CCDC138: variants seen among roughly 807,000 people sequenced by gnomAD.
CCDC138 encodes the protein coiled-coil domain-containing protein 138.
Under a neutral mutation model 82.3 loss-of-function variants are expected in CCDC138, and 66 were observed. The observed-to-expected ratio is 0.80, with a 90% CI of 0.66 to 0.98. The LOEUF is 0.98. Ranked by LOEUF, CCDC138 falls within the 50% of genes least tolerant of loss-of-function variation. The pLI, the probability that CCDC138 is intolerant of heterozygous loss-of-function variation, is 0.00. For synonymous variants in CCDC138, 297 were observed against 265.4 expected, an observed-to-expected ratio of 1.12 and a Z score of -1.16; for missense variants, 816 against 758.9, an observed-to-expected ratio of 1.08 and a Z score of -0.88.
At chr2:108,822,792 G>C (rs1685932806) in intron 10 of CCDC138, among the ~76,000 whole-genome samples, 1 of 152,168 alleles carries the variant, frequency 6.6e-6, no homozygotes, top group South Asian at 2.1e-4. Context: ...AGTGTTAAGA[G>C]GGAAGTTTGT....
intron 6 of CCDC138, among the ~76,000 whole-genome samples, chr2:108,801,011 T>C (rs1484424677): frequency 5.4e-5 from 3 of 55,186 alleles, no homozygotes; most frequent in Admixed American, 2.3e-4. Context: ...CCACATTTTC[T>C]TAATCCAGTC....
chr2:108,807,820 G>T (rs1197968905), intron 7 of CCDC138, among the ~76,000 whole-genome samples: 1 of 152,176 alleles, frequency 6.6e-6, no homozygotes, highest in Admixed American at 6.5e-5. Context: ...GTTTCACCAT[G>T]TTGGCCAGGG....
At position 108,791,789 on chromosome 2, in the gene CCDC138, A is replaced by T; in HGVS notation, c.381A>T (p.Lys127Asn). ...CGAAAATAACCAAGCAGTCTTTTAA[A>T]GAAATAGAAAAAGGTAAAATAAATA... is the stretch of plus-strand genomic sequence containing the variant. The part of the protein sequence containing the change: ...STSKITKQSF[K>N]EIEKVALPTN... Residue 127 changes from lysine (K) to asparagine (N), a missense_variant, in exon 4 of 15, where the codon AAA becomes AAT. Coordinates refer to ENST00000295124, the MANE Select transcript of CCDC138 (RefSeq NM_144978.3). 6.3e-7 allele frequency: 1 copy of T among 1,585,394 alleles called. No homozygotes were observed.
At chr2:108,827,353 C>G (rs1287248307) in intron 10 of CCDC138, among the ~76,000 whole-genome samples, 1 of 151,806 alleles carries the variant, frequency 6.6e-6, no homozygotes, top group African/African-American at 2.4e-5. Context: ...ATTTACAAAG[C>G]TAGTAAAATA....
intron 10 of CCDC138, among the ~76,000 whole-genome samples, chr2:108,829,877 A>G (rs1687263633): frequency 6.6e-6 from 1 of 152,224 alleles, no homozygotes; most frequent in South Asian, 2.1e-4. Context: ...TGATTCTTCA[A>G]AAACTTAAAA....
intron 6 of CCDC138, among the ~76,000 whole-genome samples, chr2:108,803,805 C>T (rs1186429490): frequency 6.6e-6 from 1 of 152,080 alleles, no homozygotes; most frequent in Non-Finnish European, 1.5e-5. Flanking sequence ...GGGCTTTTAG[C>T]TATAATCAGT....
intron 10 of CCDC138, among the ~76,000 whole-genome samples, chr2:108,825,024 C>G (rs1447564411): frequency 6.6e-6 from 1 of 152,136 alleles, no homozygotes; most frequent in Admixed American, 6.5e-5. Flanking sequence ...ATGGAAGATA[C>G]AGTACACAGA....
chr2:108,850,583 C>T (rs1401072628), intron 12 of CCDC138, among the ~76,000 whole-genome samples: 1 of 152,112 alleles, frequency 6.6e-6, no homozygotes, highest in African/African-American at 2.4e-5. Context: ...TCCTGAGTAG[C>T]TGGGATTACA....
intron 13 of CCDC138, among the ~76,000 whole-genome samples, chr2:108,860,755 A>C (rs1428140478): frequency 6.6e-6 from 1 of 151,716 alleles, no homozygotes; most frequent in Non-Finnish European, 1.5e-5. Context: ...ATATTGGCCT[A>C]TAGTTTTCTA....
At chr2:108,794,453 A>T in intron 4 of CCDC138, 87 bp from the exon 5 acceptor site, 1 of 1,176,202 alleles carries the variant, frequency 8.5e-7, no homozygotes, top group Non-Finnish European at 1.2e-6. Flanking sequence ...TTTTGTACTT[A>T]AAGCATCTCT....
intron 10 of CCDC138, among the ~76,000 whole-genome samples, chr2:108,824,560 T>G (rs1268321010): frequency 6.6e-6 from 1 of 152,218 alleles, no homozygotes; most frequent in Non-Finnish European, 1.5e-5. Flanking sequence ...CTGGAAGACC[T>G]GCTGAAGGAC....
intron 13 of CCDC138, among the ~76,000 whole-genome samples, chr2:108,861,390 A>G (rs1306890099): frequency 6.8e-6 from 1 of 148,092 alleles, no homozygotes; most frequent in Non-Finnish European, 1.5e-5. Context: ...TTGTTTTTCT[A>G]GTTCCTGTAG....
chr2:108,879,205 C>T (rs948296216), downstream of CCDC138, among the ~76,000 whole-genome samples: 5 of 152,190 alleles, frequency 3.3e-5, no homozygotes, highest in African/African-American at 4.8e-5. Flanking sequence ...CTCCTGAGCT[C>T]GAGCAGTCTT....
intron 13 of CCDC138, among the ~76,000 whole-genome samples, chr2:108,859,859 A>G (rs1290837643): frequency 6.6e-6 from 1 of 151,918 alleles, no homozygotes; most frequent in Non-Finnish European, 1.5e-5. Context: ...GTAATTTGAT[A>G]GGAATTGTGT....
At chr2:108,862,077 G>GT (rs71383810) in intron 13 of CCDC138, among the ~76,000 whole-genome samples, 122,424 of 141,356 alleles carry the variant, frequency 0.87, 53,269 homozygotes, top group East Asian at 0.99. Context: ...TATGATTTCA[G>GT]TTTTTTTTTT....
intron 13 of CCDC138, among the ~76,000 whole-genome samples, chr2:108,869,128 C>T (rs1404844694): frequency 6.6e-6 from 1 of 151,978 alleles, no homozygotes; most frequent in Non-Finnish European, 1.5e-5. Context: ...TAGGATGTTG[C>T]AGGTGCTTGT....
intron 10 of CCDC138, among the ~76,000 whole-genome samples, chr2:108,823,439 G>T (rs1214101403): frequency 6.6e-6 from 1 of 152,150 alleles, no homozygotes; most frequent in Non-Finnish European, 1.5e-5. Context: ...TTAACAATAG[G>T]ACCACATTCT....
intron 13 of CCDC138, among the ~76,000 whole-genome samples, chr2:108,871,850 TTG>T (rs1350790779): frequency 2.0e-5 from 3 of 152,224 alleles, no homozygotes; most frequent in African/African-American, 7.2e-5. Flanking sequence ...ACCTTTTGTT[TTG>T]TGACTACCAT....
chr2:108,875,327 AAAAAAAAAAG>A lies in CCDC138; in HGVS notation c.1833-757_1833-748del, dbSNP rs1247263124. Among the ~76,000 whole-genome samples, 39 of 145,004 alleles carry A rather than the reference AAAAAAAAAAG, an allele frequency of 2.7e-4. 1 individual carries two copies. The East Asian group carries it at 0.032, about 118-fold the overall frequency. ...TAAAACTTAAAGTATAATAAAAAAA[AAAAAAAAAAG>A]AAACAAATTCTTAATGATTGAAATG... On this transcript the variant is annotated intron_variant, in intron 14 of 14. Coordinates refer to ENST00000295124, the MANE Select transcript of CCDC138 (RefSeq NM_144978.3).
Sources: allele counts gnomAD v4.1 joint callset (sites outside exome capture counted in the v4.1 genomes callset), GRCh38; gene constraint gnomAD v4.1.1; transcripts MANE v1.5; gene names NCBI Gene and HGNC (gene_info 2026-07-23, HGNC 2026-07-21).